The following SLTM variants were observed in gnomAD, a reference collection of about 807,000 sequenced individuals.
SLTM encodes SAFB like transcription modulator.
Under a neutral mutation model 134.6 loss-of-function variants are expected in SLTM, and 43 were observed. The observed-to-expected ratio is 0.32, with a 90% CI of 0.25 to 0.41. The LOEUF (loss-of-function observed/expected upper bound fraction) is 0.41. SLTM is among the 10% of genes least tolerant of loss of function. SLTM has a pLI of 1.00. For synonymous variants in SLTM, 424 were observed against 432.3 expected (o/e 0.98, Z 0.24); for missense variants, 1,055 against 1,288.8 (o/e 0.82, Z 2.78).
Position 58,933,515 on chromosome 15 carries a change from C to T in SLTM, c.51G>A (p.Ala17=). Residue 17 remains alanine (A), a synonymous_variant, in exon 1 of 21, where the codon GCG becomes GCA. Coordinates refer to ENST00000380516, the MANE Select transcript of SLTM (RefSeq NM_024755.4). ...GCAGATCGGTGATCTTTTTACCTTC[C>T]GCCTGACCCGAGGCGGCCGAGGCTG... ...AVAASAASGQ[A]EGKKITDLRV... 3.8e-6 allele frequency: 6 copies of T among 1,597,002 alleles called. No individual in the cohort carries two copies. The highest frequency in any genetic ancestry group is 5.1e-6 in the Non-Finnish European group (6 of 1,172,702).
chr15:58,928,800 A>G (rs1407356616), intron 2 of SLTM, among the ~76,000 whole-genome samples: 1 of 152,198 alleles, frequency 6.6e-6, no homozygotes, highest in Non-Finnish European at 1.5e-5. Context: ...CAGCTATTAT[A>G]TATTATGTCT....
At chr15:58,890,182 C>A in intron 15 of SLTM, 99 bp downstream of exon 15, 1 of 1,380,346 alleles carries the variant, frequency 7.2e-7, no homozygotes, top group African/African-American at 1.4e-5. Context: ...TAAACTCATT[C>A]TATAGACGCT....
Position 58,879,454 on chromosome 15 carries a change from A to G in SLTM, c.*545T>C, listed in dbSNP as rs2033523263. 1 of 152,712 alleles carries G rather than the reference A, an allele frequency of 6.5e-6. No individual in the cohort carries two copies. The highest frequency in any genetic ancestry group is 1.5e-5 in the Non-Finnish European group (1 of 68,078). 9.5% of individuals were successfully genotyped at this position (152,712 alleles called of 1,614,324 possible). On this transcript the variant is annotated 3_prime_UTR_variant, in exon 21 of 21. Coordinates refer to ENST00000380516, the MANE Select transcript of SLTM (RefSeq NM_024755.4). ...ATACAGAATATGAAGGTTTATTTCA[A>G]AAAAGATTACATTTTTTTAAACCAG...
chr15:58,913,594 T>C lies in SLTM; in HGVS notation c.418A>G (p.Lys140Glu). The change falls in exon 4 of 21, where the codon AAG becomes GAG. Residue 140 changes from lysine (K) to glutamate (E), a missense_variant. By Grantham distance (56) the Lys-to-Glu change is moderately conservative. Coordinates refer to ENST00000380516, the MANE Select transcript of SLTM (RefSeq NM_024755.4). ...GENEEENVHS[K>E]ELLSAEENKR... Reference sequence around the variant, plus strand: ...TTTTCTTCTGCAGAGAGTAACTCCTTGGAATGCACATTTTCTTCTTCATTT... The same window carrying C: ...TTTTCTTCTGCAGAGAGTAACTCCTCGGAATGCACATTTTCTTCTTCATTT... The C allele has an allele frequency of 6.2e-7, 1 of 1,613,632 alleles. No homozygotes were observed. The highest frequency in any genetic ancestry group is 1.3e-5 in the African/African-American group (1 of 75,044).
At chr15:58,931,848 T>C (rs775362664) in intron 2 of SLTM, among the ~76,000 whole-genome samples, 1 of 152,244 alleles carries the variant, frequency 6.6e-6, no homozygotes, top group Non-Finnish European at 1.5e-5. Flanking sequence ...CTTGTTAGTA[T>C]GATTGGTGAG....
At chr15:58,906,083 A>G (rs1188268699) in intron 5 of SLTM, among the ~76,000 whole-genome samples, 1 of 152,212 alleles carries the variant, frequency 6.6e-6, no homozygotes, top group Non-Finnish European at 1.5e-5. Context: ...AGCACTAACC[A>G]TAAGTCCTAA....
At chr15:58,926,094 G>A (rs1252601087) in intron 2 of SLTM, among the ~76,000 whole-genome samples, 1 of 152,088 alleles carries the variant, frequency 6.6e-6, no homozygotes, top group East Asian at 1.9e-4. Flanking sequence ...CTGATGCCTG[G>A]GCCCCCAACA....
intron 17 of SLTM, 196 bp from the exon 18 acceptor site, chr15:58,887,736 GTT>G: frequency 1.7e-6 from 1 of 575,934 alleles, no homozygotes; most frequent in Non-Finnish European, 2.2e-6. Flanking sequence ...CTAAAGGTTG[GTT>G]TTTTAGCATT....
In SLTM at chr15:58,899,458, G is replaced by C. The variant is rs181420623; in HGVS notation, c.1058+11C>G. 6.2e-7 allele frequency: 1 copy of C among 1,610,260 alleles called. No individual in the cohort carries two copies. The highest frequency in any genetic ancestry group is 8.5e-7 in the Non-Finnish European group (1 of 1,177,294). The stretch of plus-strand genomic sequence containing the variant: ...TTCAGTATCGTAAAGAACTGACATA[G>C]AAAAACAAACCTCTTTGCTTGACCA... On this transcript the variant is annotated intron_variant, in intron 7 of 20. Coordinates refer to ENST00000380516, the MANE Select transcript of SLTM (RefSeq NM_024755.4). The surrounding 1 kb of genome is among the most constrained non-coding windows in gnomAD (Gnocchi z 5.0).
chr15:58,918,426 G>A (rs1383792871), intron 2 of SLTM, among the ~76,000 whole-genome samples: 5 of 152,064 alleles, frequency 3.3e-5, no homozygotes, highest in Admixed American at 2.6e-4. Flanking sequence ...TAGTCTCCTC[G>A]GTAGCTCCTA....
At chr15:58,919,396 C>T (rs1161715987) in intron 2 of SLTM, among the ~76,000 whole-genome samples, 3 of 151,934 alleles carry the variant, frequency 2.0e-5, no homozygotes, top group Non-Finnish European at 4.4e-5. Flanking sequence ...TGAGTTGAGA[C>T]CAGCCCAGGC....
chr15:58,883,612 GGTTA>G lies in SLTM; in HGVS notation c.2996+10_2996+13del, dbSNP rs758145866. 3 of 1,613,242 alleles carry G rather than the reference GGTTA, an allele frequency of 1.9e-6. No homozygotes were observed. In the African/African-American group the frequency reaches 4.0e-5, roughly 22 times the overall value. The stretch of plus-strand genomic sequence containing the variant: ...TTGGTTGTGTGCTGGCAGAAAAACT[GGTTA>G]GTTATTTACCTTGAATGTTGGGTTA... On this transcript the variant is annotated intron_variant, in intron 20 of 20. Coordinates refer to ENST00000380516, the MANE Select transcript of SLTM (RefSeq NM_024755.4).
In SLTM at chr15:58,902,995, G is replaced by A. The variant is rs527747956; in HGVS notation, c.562-1708C>T. Among the ~76,000 whole-genome samples the A allele has an allele frequency of 9.9e-5, 15 of 152,138 alleles. No individual in the cohort carries two copies. The South Asian group carries it at 2.5e-3, about 25-fold the overall frequency. On this transcript the variant is annotated intron_variant, in intron 5 of 20. Transcript: ENST00000380516. ...TGGCTCACTGCAACTTCCGCCTCCC[G>A]GGTTCAAGCGATTCTCCTGCTTCAG...
intron 2 of SLTM, 22 bp downstream of exon 2, chr15:58,932,334 C>T (rs1395127485): frequency 1.3e-6 from 2 of 1,572,062 alleles, no homozygotes; most frequent in Non-Finnish European, 1.8e-6. Flanking sequence ...TATTTTAAAA[C>T]ATGTTCATAA....
At chr15:58,886,561 G>T (rs1350368948) in intron 19 of SLTM, among the ~76,000 whole-genome samples, 1 of 152,130 alleles carries the variant, frequency 6.6e-6, no homozygotes, top group Non-Finnish European at 1.5e-5. Flanking sequence ...GTGTTGGCAT[G>T]AGCCACCATG....
At chr15:58,930,026 A>T (rs898050289) in intron 2 of SLTM, among the ~76,000 whole-genome samples, 2 of 152,198 alleles carry the variant, frequency 1.3e-5, no homozygotes, top group African/African-American at 4.8e-5. Context: ...CAAGATTTTC[A>T]TAACAATGAT....
At position 58,888,559 on chromosome 15, in the gene SLTM, G is replaced by A. The variant is rs2034409875; in HGVS notation, c.2205-4C>T. ...GCTCCAGTAAGGATCATCTCGCCTT[G>A]AAGAGAAATATTTGCTTATTTACAT... On this transcript the variant is annotated splice_region_variant and splice_polypyrimidine_tract_variant and intron_variant, in intron 16 of 20. Transcript: ENST00000380516. 3 of 1,610,902 alleles carry A rather than the reference G, an allele frequency of 1.9e-6. No homozygotes were observed. Among genetic ancestry groups the A allele is most frequent in the East Asian group, 4.5e-5 (2 of 44,804 alleles).
intron 16 of SLTM, 118 bp downstream of exon 16, chr15:58,889,312 C>T: frequency 7.6e-7 from 1 of 1,313,616 alleles, no homozygotes; most frequent in Non-Finnish European, 1.1e-6. Flanking sequence ...CCTTCCCATC[C>T]CTGTTGATCA....
At chr15:58,894,067 A>G (rs1362109994) in intron 11 of SLTM, 23 bp downstream of exon 11, 5 of 1,589,716 alleles carry the variant, frequency 3.1e-6, no homozygotes, top group Non-Finnish European at 4.3e-6. Flanking sequence ...TATCAAAATA[A>G]ATAAATAAAA....
Sources: allele counts gnomAD v4.1 joint callset (sites outside exome capture counted in the v4.1 genomes callset), GRCh38; gene constraint gnomAD v4.1.1; non-coding constraint Gnocchi (gnomAD v3.1); transcripts MANE v1.5; gene names NCBI Gene and HGNC (gene_info 2026-07-23, HGNC 2026-07-21).